VAV2: variants seen among roughly 807,000 people sequenced by gnomAD.
VAV2 encodes guanine nucleotide exchange factor VAV2.
A neutral mutation model predicts 132.5 loss-of-function variants in VAV2; 67 were observed. The ratio of observed to expected loss-of-function variants is 0.51; its 90% CI spans 0.42 to 0.62. The LOEUF is 0.62. VAV2 is among the 20% of genes least tolerant of loss of function. VAV2 has a pLI of 0.00. For synonymous variants in VAV2, 492 were observed against 443.5 expected (o/e 1.11, Z -1.37); for missense variants, 938 against 1,153.6 (o/e 0.81, Z 2.71).
At chr9:133,785,395 G>A in intron 17 of VAV2, among the ~76,000 whole-genome samples, 1 of 152,310 alleles carries the variant, frequency 6.6e-6, no homozygotes. Context: ...CAAGCCGCCA[G>A]CCCGTAAGAC....
chr9:133,916,367 C>T (rs991761844), intron 2 of VAV2, among the ~76,000 whole-genome samples: 4 of 152,242 alleles, frequency 2.6e-5, no homozygotes, highest in Non-Finnish European at 5.9e-5. Context: ...AAGTTTCTCT[C>T]CACGGGATAA....
In VAV2 at chr9:133,991,767, G is replaced by C. The variant is rs1397504274; in HGVS notation, c.204+308C>G. Among the ~76,000 whole-genome samples the C allele has an allele frequency of 6.6e-6, 1 of 151,260 alleles. No homozygotes were observed. Among genetic ancestry groups the C allele is most frequent in the Non-Finnish European group, 1.5e-5 (1 of 67,668 alleles). On this transcript the variant is annotated intron_variant, in intron 1 of 29. Coordinates refer to ENST00000371850, the MANE Select transcript of VAV2 (RefSeq NM_001134398.2). This position sits in a 1 kb window ranked among gnomAD's most constrained non-coding sequence, Gnocchi z 4.8. ...GAGGGGCCACTCGCAGGGCCCCGCA[G>C]AGCGAGCGCAGCGCCGGAGCCTCCC...
intron 1 of VAV2, among the ~76,000 whole-genome samples, chr9:133,962,767 G>A (rs1318024006): frequency 1.3e-5 from 2 of 152,164 alleles, no homozygotes; most frequent in Admixed American, 6.5e-5. Context: ...AATGGTTTTC[G>A]AGATATCATT....
chr9:133,845,027 C>G (rs558492555), intron 3 of VAV2, among the ~76,000 whole-genome samples: 1 of 152,270 alleles, frequency 6.6e-6, no homozygotes. Context: ...CTGAACACAG[C>G]AGTTTCCTTC....
intron 2 of VAV2, among the ~76,000 whole-genome samples, chr9:133,934,728 G>A (rs1489823452): frequency 6.6e-6 from 1 of 152,186 alleles, no homozygotes; most frequent in Non-Finnish European, 1.5e-5. Flanking sequence ...CTGGGGCCAA[G>A]CCCTGTCACC....
Position 133,857,601 on chromosome 9 carries a change from A to G in VAV2, c.380+3773T>C, listed in dbSNP as rs1391286302. Among the ~76,000 whole-genome samples, 4 of 152,190 alleles carry G rather than the reference A, an allele frequency of 2.6e-5. No homozygotes were observed. The highest frequency in any genetic ancestry group is 5.9e-5 in the Non-Finnish European group (4 of 68,030). On this transcript the variant is annotated intron_variant, in intron 3 of 29. Transcript: ENST00000371850. This position sits in a 1 kb window ranked among gnomAD's most constrained non-coding sequence, Gnocchi z 4.0. ...CTAGAACCTTTTGCTAATCACTAAC[A>G]CTACAAAACGCTCGAAATGAAATAG... is the stretch of plus-strand genomic sequence containing the variant.
intron 4 of VAV2, among the ~76,000 whole-genome samples, chr9:133,814,554 A>T (rs1356095386): frequency 6.6e-6 from 1 of 152,204 alleles, no homozygotes; most frequent in Non-Finnish European, 1.5e-5. Flanking sequence ...TTTCTCCAAC[A>T]GGCCAGGTGG....
intron 2 of VAV2, among the ~76,000 whole-genome samples, chr9:133,906,016 G>A (rs769239752): frequency 3.3e-5 from 5 of 152,180 alleles, no homozygotes; most frequent in South Asian, 2.1e-4. Flanking sequence ...TCCAGCCTGG[G>A]CAACAGAGTG....
intron 1 of VAV2, among the ~76,000 whole-genome samples, chr9:133,985,229 TGTGTG>T (rs1564526224): frequency 0.022 from 37 of 1,658 alleles, no homozygotes; most frequent in Non-Finnish European, 0.041. Flanking sequence ...TGCCTTATTG[TGTGTG>T]TGTGTGTGTG....
intron 4 of VAV2, among the ~76,000 whole-genome samples, chr9:133,832,033 C>T (rs902117334): frequency 1.3e-5 from 2 of 152,208 alleles, no homozygotes; most frequent in African/African-American, 2.4e-5. Context: ...TCGTAAGCAC[C>T]GCCCACTGTT....
chr9:133,767,176 A>G (rs2131559491), intron 29 of VAV2, among the ~76,000 whole-genome samples: 1 of 152,336 alleles, frequency 6.6e-6, no homozygotes, highest in East Asian at 1.9e-4. Context: ...TATGCCTATT[A>G]AAAGCCAAAG....
At position 133,826,178 on chromosome 9, in the gene VAV2, A is replaced by AGAGACTGGG. The variant is rs1436665353; in HGVS notation, c.449+8085_449+8093dup. ...CCATCTGGGCAGATGCTTTCGTTTC[A>AGAGACTGGG]GAGACTGGGAAACTGAGGCCCTGTG... On this transcript the variant is annotated intron_variant, in intron 4 of 29. Coordinates refer to ENST00000371850, the MANE Select transcript of VAV2 (RefSeq NM_001134398.2). This position sits in a 1 kb window ranked among gnomAD's most constrained non-coding sequence, Gnocchi z 4.2. 1.6e-4 allele frequency among the ~76,000 whole-genome samples: 24 copies of AGAGACTGGG among 152,224 alleles called. No homozygotes were observed. The highest frequency in any genetic ancestry group is 5.5e-4 in the African/African-American group (23 of 41,466).
intron 1 of VAV2, among the ~76,000 whole-genome samples, chr9:133,952,928 ATGG>A (rs1343787829): frequency 8.7e-5 from 13 of 149,424 alleles, no homozygotes; most frequent in African/African-American, 3.0e-4. Context: ...TGGAGGGAGC[ATGG>A]CCCCCGGGAC....
chr9:133,780,618 G>A (rs539993426), intron 20 of VAV2, 76 bp downstream of exon 20: 241 of 1,289,170 alleles, frequency 1.9e-4, no homozygotes, highest in Non-Finnish European at 2.3e-4. Context: ...GCAGACAATT[G>A]GGTCTTTCTG....
At chr9:133,871,238 AGATG>A (rs150971197) in intron 2 of VAV2, among the ~76,000 whole-genome samples, 20,890 of 138,692 alleles carry the variant, frequency 0.15, 1,791 homozygotes, top group African/African-American at 0.25. Flanking sequence ...GTGGGTGGGC[AGATG>A]GATGGATGGA....
At chr9:133,830,588 A>C (rs919791395) in intron 4 of VAV2, among the ~76,000 whole-genome samples, 4 of 152,168 alleles carry the variant, frequency 2.6e-5, no homozygotes, top group African/African-American at 9.7e-5. Flanking sequence ...GGGCCTCCCC[A>C]GTCCGGTGGA....
chr9:133,944,122 C>T (rs1486951750), intron 1 of VAV2, among the ~76,000 whole-genome samples: 2 of 152,210 alleles, frequency 1.3e-5, no homozygotes, highest in Non-Finnish European at 2.9e-5. Flanking sequence ...AGTCACGTCT[C>T]TTTAGGGTCT....
intron 2 of VAV2, among the ~76,000 whole-genome samples, chr9:133,871,325 G>A (rs1440382087): frequency 6.6e-6 from 1 of 151,576 alleles, no homozygotes; most frequent in African/African-American, 2.4e-5. Flanking sequence ...AATTGGGGGT[G>A]GATGGATGAA....
At chr9:133,978,101 G>A (rs1408480867) in intron 1 of VAV2, among the ~76,000 whole-genome samples, 1 of 152,270 alleles carries the variant, frequency 6.6e-6, no homozygotes, top group Non-Finnish European at 1.5e-5. Flanking sequence ...AAGACCAGGA[G>A]CGGGGAGGCA....
Sources: gnomAD v4.1 joint callset for allele counts (sites outside exome capture counted in the v4.1 genomes callset) on GRCh38, gnomAD v4.1.1 for gene constraint, Gnocchi (gnomAD v3.1) non-coding constraint, MANE v1.5 for transcripts, NCBI Gene and HGNC (gene_info 2026-07-23, HGNC 2026-07-21) for gene names.